Variants in CAMKMT observed in about 807,000 individuals in gnomAD.
The protein encoded by CAMKMT is CaM KMT.
In CAMKMT, 53 loss-of-function variants were observed where a neutral mutation model predicts 48.0. That is an observed-to-expected ratio of 1.10 (90% confidence interval 0.89 to 1.39). CAMKMT has a LOEUF of 1.39. Among genes scored for constraint, CAMKMT ranks in the 40% most tolerant of loss-of-function variants. The pLI is 0.00. For synonymous variants in CAMKMT, 165 were observed against 152.3 expected, an observed-to-expected ratio of 1.08 and a Z score of -0.61; for missense variants, 428 against 402.7, an observed-to-expected ratio of 1.06 and a Z score of -0.54.
At chr2:44,603,485 C>A (rs976162405) in intron 3 of CAMKMT, among the ~76,000 whole-genome samples, 3 of 152,260 alleles carry the variant, frequency 2.0e-5, no homozygotes, top group Non-Finnish European at 2.9e-5. Flanking sequence ...CAACAAAATA[C>A]CCCAAAATTT....
chr2:44,554,993 G>A (rs369804259), intron 3 of CAMKMT, among the ~76,000 whole-genome samples: 2 of 152,144 alleles, frequency 1.3e-5, no homozygotes, highest in African/African-American at 2.4e-5. Context: ...TGGGGTGGGA[G>A]TAGGGAAGAT....
intron 3 of CAMKMT, among the ~76,000 whole-genome samples, chr2:44,493,070 T>C (rs532181876): frequency 5.9e-5 from 9 of 151,778 alleles, no homozygotes; most frequent in African/African-American, 1.7e-4. Context: ...ATTTTTGTAA[T>C]TTTTTTAGCA....
chr2:44,609,697 C>T (rs1236272355), intron 3 of CAMKMT, among the ~76,000 whole-genome samples: 1 of 152,280 alleles, frequency 6.6e-6, no homozygotes, highest in Admixed American at 6.5e-5. Context: ...CTGATGAACT[C>T]ATTCTCTCCT....
At chr2:44,522,570 G>C (rs947589855) in intron 3 of CAMKMT, among the ~76,000 whole-genome samples, 1 of 152,032 alleles carries the variant, frequency 6.6e-6, no homozygotes, top group Non-Finnish European at 1.5e-5. Context: ...TGTCTGAAAG[G>C]GTTTATAATG....
chr2:44,607,476 G>A (rs757218843), intron 3 of CAMKMT, among the ~76,000 whole-genome samples: 6 of 151,988 alleles, frequency 3.9e-5, no homozygotes, highest in Non-Finnish European at 5.9e-5. Flanking sequence ...ATATACTATG[G>A]TTTCTAGTAG....
chr2:44,706,494 C>T (rs909963094), intron 5 of CAMKMT, among the ~76,000 whole-genome samples, 153 bp downstream of exon 5: 5 of 152,084 alleles, frequency 3.3e-5, no homozygotes, highest in South Asian at 2.1e-4. Flanking sequence ...GACTTACTTT[C>T]GGATCATATT....
intron 3 of CAMKMT, among the ~76,000 whole-genome samples, chr2:44,591,751 G>T (rs1365506786): frequency 5.9e-5 from 9 of 151,788 alleles, no homozygotes; most frequent in Non-Finnish European, 1.2e-4. Flanking sequence ...CTGCTATAAA[G>T]ACACATGCAC....
chr2:44,601,566 T>C (rs890542467), intron 3 of CAMKMT, among the ~76,000 whole-genome samples: 3 of 152,052 alleles, frequency 2.0e-5, no homozygotes, highest in African/African-American at 7.3e-5. Flanking sequence ...TTCTTGGAGA[T>C]ACTATGTTTC....
chr2:44,565,649 A>G (rs1668570422), intron 3 of CAMKMT, among the ~76,000 whole-genome samples: 1 of 152,046 alleles, frequency 6.6e-6, no homozygotes, highest in Non-Finnish European at 1.5e-5. Context: ...CCTGGATCCT[A>G]CTCAGAGAAT....
chr2:44,362,289 C>G, intron 1 of CAMKMT, 144 bp downstream of exon 1: 1 of 663,320 alleles, frequency 1.5e-6, no homozygotes, highest in Non-Finnish European at 2.3e-6. Flanking sequence ...GAAGCTCCCC[C>G]TCGCTTCACC....
At chr2:44,453,391 G>A (rs1667395159) in intron 3 of CAMKMT, among the ~76,000 whole-genome samples, 1 of 151,996 alleles carries the variant, frequency 6.6e-6, no homozygotes, top group Non-Finnish European at 1.5e-5. Flanking sequence ...TTTAAAATTA[G>A]CCCAGGGGTC....
intron 3 of CAMKMT, among the ~76,000 whole-genome samples, chr2:44,507,975 C>T (rs1670346160): frequency 6.6e-6 from 1 of 152,194 alleles, no homozygotes; most frequent in Non-Finnish European, 1.5e-5. Flanking sequence ...CAGTGTTTCT[C>T]AAACTATCTG....
intron 3 of CAMKMT, among the ~76,000 whole-genome samples, chr2:44,456,268 G>A (rs893724692): frequency 1.2e-4 from 18 of 152,158 alleles, no homozygotes; most frequent in Non-Finnish European, 2.9e-5. Context: ...TACAACAAAA[G>A]AGTTACAGGT....
intron 3 of CAMKMT, among the ~76,000 whole-genome samples, chr2:44,554,500 C>T (rs940448386): frequency 5.3e-5 from 8 of 152,020 alleles, no homozygotes; most frequent in African/African-American, 1.7e-4. Context: ...GTTCAGGAGG[C>T]CAAGACAGAA....
At chr2:44,439,123 A>C (rs1282016130) in intron 3 of CAMKMT, among the ~76,000 whole-genome samples, 2 of 152,110 alleles carry the variant, frequency 1.3e-5, no homozygotes, top group African/African-American at 4.8e-5. Context: ...AGTTAGTTTC[A>C]TTTTCTTGAA....
chr2:44,458,207 C>G (rs868023458), intron 3 of CAMKMT, among the ~76,000 whole-genome samples: 1 of 151,832 alleles, frequency 6.6e-6, no homozygotes, highest in Non-Finnish European at 1.5e-5. Flanking sequence ...CCATCATGCC[C>G]GGCTAATTTT....
chr2:44,628,317 A>G (rs913126095), intron 3 of CAMKMT, among the ~76,000 whole-genome samples: 1 of 151,990 alleles, frequency 6.6e-6, no homozygotes, highest in African/African-American at 2.4e-5. Context: ...TATCAATTTT[A>G]TTAATTTCTT....
intron 3 of CAMKMT, among the ~76,000 whole-genome samples, chr2:44,646,651 A>T (rs1375786157): frequency 6.6e-6 from 1 of 152,210 alleles, no homozygotes. Context: ...TCCCACAAGA[A>T]ACTTTCTACC....
intron 2 of CAMKMT, among the ~76,000 whole-genome samples, chr2:44,378,367 A>G (rs1461375817): frequency 6.6e-6 from 1 of 152,218 alleles, no homozygotes; most frequent in Non-Finnish European, 1.5e-5. Flanking sequence ...CCATCTACTA[A>G]TTTCCTAAAA....
Sources: allele counts gnomAD v4.1 joint callset (sites outside exome capture counted in the v4.1 genomes callset), GRCh38; gene constraint gnomAD v4.1.1; transcripts MANE v1.5; gene names NCBI Gene and HGNC (gene_info 2026-07-23, HGNC 2026-07-21).